The following SORCS1 variants were observed in gnomAD, a reference collection of about 807,000 sequenced individuals.
The protein encoded by SORCS1 is VPS10 domain-containing receptor SorCS1.
A neutral mutation model predicts 146.1 loss-of-function variants in SORCS1; 60 were observed. The observed-to-expected ratio is 0.41, with a 90% CI of 0.33 to 0.51. SORCS1 has a LOEUF of 0.51. SORCS1 is among the 20% of genes least tolerant of loss of function. The probability of loss-of-function intolerance (pLI) is 0.21; values close to 1 mark genes in which losing one functional copy is unlikely to be tolerated. For synonymous variants in SORCS1, 637 were observed against 584.0 expected, an observed-to-expected ratio of 1.09 and a Z score of -1.31; for missense variants, 1,352 against 1,487.6, an observed-to-expected ratio of 0.91 and a Z score of 1.50.
intron 17 of SORCS1, among the ~76,000 whole-genome samples, chr10:106,665,284 A>G (rs906649243): frequency 6.6e-6 from 1 of 152,152 alleles, no homozygotes. Context: ...AGCTGGCTCA[A>G]GAAAGGAGAA....
intron 3 of SORCS1, among the ~76,000 whole-genome samples, chr10:106,814,832 G>A (rs908287079): frequency 2.4e-5 from 3 of 127,590 alleles, no homozygotes; most frequent in East Asian, 2.6e-4. Context: ...GGAGAATGAC[G>A]TAAACCTGGG....
At chr10:106,882,972 C>T (rs1288832245) in intron 2 of SORCS1, among the ~76,000 whole-genome samples, 1 of 152,126 alleles carries the variant, frequency 6.6e-6, no homozygotes, top group African/African-American at 2.4e-5. Context: ...AATGACCATC[C>T]CCACATACAC....
intron 9 of SORCS1, among the ~76,000 whole-genome samples, chr10:106,696,365 A>G (rs1853703864): frequency 6.6e-6 from 1 of 152,270 alleles, no homozygotes; most frequent in Non-Finnish European, 1.5e-5. Context: ...CCTGCTAGCC[A>G]GAACAATCAG....
intron 2 of SORCS1, among the ~76,000 whole-genome samples, chr10:106,884,376 T>C (rs907235964): frequency 6.6e-6 from 1 of 152,208 alleles, no homozygotes; most frequent in Non-Finnish European, 1.5e-5. Flanking sequence ...TTTTGTCTTA[T>C]ATTCTGGGAA....
At chr10:106,873,504 G>A (rs950114505) in intron 2 of SORCS1, among the ~76,000 whole-genome samples, 2 of 151,998 alleles carry the variant, frequency 1.3e-5, no homozygotes, top group Non-Finnish European at 2.9e-5. Context: ...AAGGTGAATT[G>A]GTGGCATATA....
intron 1 of SORCS1, among the ~76,000 whole-genome samples, chr10:107,033,158 C>G (rs1194859875): frequency 6.6e-6 from 1 of 152,150 alleles, no homozygotes; most frequent in Non-Finnish European, 1.5e-5. Context: ...AGCACATATT[C>G]TCACAGCCAG....
intron 1 of SORCS1, among the ~76,000 whole-genome samples, chr10:107,102,908 T>C (rs575346063): frequency 2.4e-4 from 36 of 151,982 alleles, no homozygotes; most frequent in Non-Finnish European, 4.7e-4. Context: ...TACTGAGGAG[T>C]CACAAAAATT....
chr10:106,654,647 A>G (rs1310688690), intron 17 of SORCS1, among the ~76,000 whole-genome samples: 1 of 152,176 alleles, frequency 6.6e-6, no homozygotes, highest in Non-Finnish European at 1.5e-5. Context: ...GGTTATTACC[A>G]CATCCCCAAA....
chr10:106,594,452 G>A (rs1377282501), intron 24 of SORCS1, among the ~76,000 whole-genome samples: 1 of 152,062 alleles, frequency 6.6e-6, no homozygotes. Context: ...TTTGTGGTGG[G>A]AACATTCATT....
At chr10:106,813,172 G>A (rs895726306) in intron 3 of SORCS1, among the ~76,000 whole-genome samples, 4 of 122,004 alleles carry the variant, frequency 3.3e-5, no homozygotes, top group African/African-American at 9.7e-5. Context: ...TTGCACTGTC[G>A]CCCTCGCTGG....
intron 3 of SORCS1, among the ~76,000 whole-genome samples, chr10:106,813,807 C>T (rs1001840662): frequency 2.0e-5 from 3 of 152,044 alleles, no homozygotes; most frequent in African/African-American, 7.2e-5. Flanking sequence ...GCAGAGGGGA[C>T]AGTGGGCGGT....
rs71025579 is a variant in SORCS1 at position 107,154,008 on chromosome 10, C to CTTTT, written c.558+9957_558+9960dup. On this transcript the variant is annotated intron_variant, in intron 1 of 25. Coordinates refer to ENST00000263054, the MANE Select transcript of SORCS1 (RefSeq NM_052918.5). ...ATTTCCAGTATATTTCTTTTCTTTT[C>CTTTT]TTTTTTTTTTTTTTTTTTTTTGAGA... Among the ~76,000 whole-genome samples the CTTTT allele has an allele frequency of 9.8e-3, 919 of 93,438 alleles. 8 individuals are homozygous for CTTTT. Among genetic ancestry groups the CTTTT allele is most frequent in the Non-Finnish European group, 0.013 (608 of 47,132 alleles). 61.3% of individuals were successfully genotyped at this position (93,438 alleles called of 152,430 possible).
chr10:106,710,664 A>T (rs892882643), intron 6 of SORCS1, among the ~76,000 whole-genome samples: 4 of 152,074 alleles, frequency 2.6e-5, no homozygotes, highest in Admixed American at 6.5e-5. Flanking sequence ...TAATCAGATT[A>T]TGTTACTCCC....
At chr10:106,871,226 A>C (rs1403210867) in intron 2 of SORCS1, among the ~76,000 whole-genome samples, 1 of 152,240 alleles carries the variant, frequency 6.6e-6, no homozygotes, top group African/African-American at 2.4e-5. Context: ...TTGCAAAGAC[A>C]AGGGAACACT....
chr10:107,020,936 T>C (rs1423027647), intron 1 of SORCS1, among the ~76,000 whole-genome samples: 1 of 152,300 alleles, frequency 6.6e-6, no homozygotes, highest in South Asian at 2.1e-4. Flanking sequence ...TATAGAGCAT[T>C]CATTTGGGTA....
intron 18 of SORCS1, among the ~76,000 whole-genome samples, chr10:106,634,291 C>A (rs527757745): frequency 6.6e-6 from 1 of 152,126 alleles, no homozygotes; most frequent in Non-Finnish European, 1.5e-5. Context: ...GCAACACCTG[C>A]GAATGATCCT....
At position 106,744,311 on chromosome 10, in the gene SORCS1, T is replaced by G. The variant is rs112424414; in HGVS notation, c.960-14197A>C. Among the ~76,000 whole-genome samples the G allele has an allele frequency of 9.2e-3, 1,394 of 152,276 alleles. 23 individuals are homozygous for G. The highest frequency in any genetic ancestry group is 0.032 in the African/African-American group (1,325 of 41,532). On this transcript the variant is annotated intron_variant, in intron 5 of 25. Transcript: ENST00000263054. ...TAGTAGAGACGGGGTTTCACCGTGT[T>G]AGCCAGGATGGTCTCAATCTCCTGA...
rs370902733 is a variant in SORCS1 at position 106,926,866 on chromosome 10, CAG to C, written c.626+29645_626+29646del. Reference sequence around the variant, plus strand: ...ACACACACACACACACACACACACACAGAGAGAGAGAGAGAGAGAGAGAGAGA... The same window carrying C: ...ACACACACACACACACACACACACACAGAGAGAGAGAGAGAGAGAGAGAGA... On this transcript the variant is annotated intron_variant, in intron 2 of 25. Transcript: ENST00000263054. Among the ~76,000 whole-genome samples, 308 of 61,958 alleles carry C rather than the reference CAG, an allele frequency of 5.0e-3. 2 individuals carry two copies. Among genetic ancestry groups the C allele is most frequent in the East Asian group, 0.018 (51 of 2,890 alleles). 40.6% of individuals were successfully genotyped at this position (61,958 alleles called of 152,430 possible).
intron 1 of SORCS1, among the ~76,000 whole-genome samples, chr10:107,000,099 C>G (rs555121253): frequency 6.6e-6 from 1 of 152,254 alleles, no homozygotes; most frequent in Admixed American, 6.5e-5. Context: ...CACCACATCA[C>G]CCTCTCCCCA....
Sources: gnomAD v4.1 joint callset for allele counts (sites outside exome capture counted in the v4.1 genomes callset) on GRCh38, gnomAD v4.1.1 for gene constraint, MANE v1.5 for transcripts, NCBI Gene and HGNC (gene_info 2026-07-23, HGNC 2026-07-21) for gene names.